POLA2: variants seen among roughly 807,000 people sequenced by gnomAD.
The protein encoded by POLA2 is DNA polymerase alpha 2, accessory subunit, also known as DNA polymerase alpha subunit B.
Under a neutral mutation model 82.8 loss-of-function variants are expected in POLA2, and 47 were observed. That is an observed-to-expected ratio of 0.57 (90% CI 0.45 to 0.72). The LOEUF (loss-of-function observed/expected upper bound fraction) is 0.72, where lower values mean the gene tolerates loss of function less well. POLA2 is among the 30% of genes least tolerant of loss of function. The pLI is 0.00. For missense variants in POLA2, 634 were observed against 728.1 expected (o/e 0.87, Z 1.49); for synonymous variants, 287 against 286.8 (o/e 1.00, Z -0.01).
In POLA2 at chr11:65,291,444, T is replaced by C. The variant is rs983476584; in HGVS notation, c.1244+1572T>C. Among the ~76,000 whole-genome samples the C allele has an allele frequency of 2.6e-5, 4 of 152,162 alleles. No homozygotes were observed. The East Asian group carries it at 7.7e-4, about 29-fold the overall frequency. On this transcript the variant is annotated intron_variant, in intron 13 of 17. Coordinates refer to ENST00000265465, the MANE Select transcript of POLA2 (RefSeq NM_002689.4). ...ACTTGGGTTGTGCCAGTGACAACCA[T>C]GTCTGGTTCTGCCCTTTCCTCCCCT... is the stretch of plus-strand genomic sequence containing the variant.
intron 1 of POLA2, among the ~76,000 whole-genome samples, chr11:65,264,119 G>A (rs1195706927): frequency 1.3e-5 from 2 of 152,118 alleles, no homozygotes; most frequent in Non-Finnish European, 2.9e-5. Flanking sequence ...CCAGGCTGGA[G>A]TGCAATGGTG....
chr11:65,264,214 C>T (rs570533497), intron 1 of POLA2, among the ~76,000 whole-genome samples: 8 of 152,194 alleles, frequency 5.3e-5, no homozygotes, highest in African/African-American at 1.9e-4. Context: ...ATTACAGGCT[C>T]CCGCCACCAC....
chr11:65,269,094 G>C (rs1052039697), intron 4 of POLA2, among the ~76,000 whole-genome samples: 6 of 152,192 alleles, frequency 3.9e-5, no homozygotes, highest in African/African-American at 7.2e-5. Flanking sequence ...CAAAGTCTGA[G>C]TCAGAAGACC....
At chr11:65,281,883 G>A (rs1451823356) in intron 9 of POLA2, 151 bp downstream of exon 9, 3 of 665,636 alleles carry the variant, frequency 4.5e-6, no homozygotes, top group Non-Finnish European at 8.2e-6. Flanking sequence ...CTAGGCCAGG[G>A]GTCAGCAAAC....
chr11:65,276,172 T>C (rs899776102), intron 5 of POLA2, among the ~76,000 whole-genome samples, 174 bp downstream of exon 5: 3 of 152,232 alleles, frequency 2.0e-5, no homozygotes, highest in Non-Finnish European at 4.4e-5. Flanking sequence ...TCCTTTTCTT[T>C]GTGGAAAATT....
rs201506909 is a variant in POLA2 at position 65,294,213 on chromosome 11, C to A, written c.1305C>A (p.Tyr435Ter). The A allele has an allele frequency of 1.2e-6, 2 of 1,614,066 alleles. No homozygotes were observed. Among genetic ancestry groups the A allele is most frequent in the South Asian group, 2.2e-5 (2 of 91,084 alleles). Residue 435 changes from tyrosine to a stop codon, truncating the protein, a stop_gained, in exon 14 of 18, where the codon TAC becomes TAA. Transcript: ENST00000265465. LOFTEE classifies it high-confidence loss of function. ...GAGATGTGCACCATGAGCCTGTGTA[C>A]CCCCAGCCGCCTTTCAGCTACTCCG... ...SLRDVHHEPV[Y>*]PQPPFSYSDL...
chr11:65,264,710 T>C (rs1234745880), intron 1 of POLA2, among the ~76,000 whole-genome samples: 1 of 152,250 alleles, frequency 6.6e-6, no homozygotes, highest in African/African-American at 2.4e-5. Flanking sequence ...GAATAAGCTT[T>C]CCGTATTCCT....
downstream of POLA2, among the ~76,000 whole-genome samples, chr11:65,301,456 G>A (rs1351838925): frequency 6.6e-6 from 1 of 152,114 alleles, no homozygotes; most frequent in Non-Finnish European, 1.5e-5. Context: ...GAGGGGCCTG[G>A]GTCTGTTGGG....
intron 4 of POLA2, among the ~76,000 whole-genome samples, chr11:65,269,090 C>T (rs1949493758): frequency 1.3e-5 from 2 of 152,194 alleles, no homozygotes. Context: ...CCTTCAAAGT[C>T]TGAGTCAGAA....
intron 5 of POLA2, 23 bp downstream of exon 5, chr11:65,276,021 G>C (rs758615808): frequency 1.4e-6 from 2 of 1,449,486 alleles, no homozygotes; most frequent in Non-Finnish European, 1.9e-6. Context: ...ATTCATTCAA[G>C]TGCCATAAAG....
chr11:65,285,574 C>CAA (rs573912827), intron 10 of POLA2, among the ~76,000 whole-genome samples: 14 of 62,974 alleles, frequency 2.2e-4, no homozygotes, highest in Admixed American at 5.5e-4. Flanking sequence ...GATCCTATCT[C>CAA]AAAAAAAAAA....
At position 65,288,766 on chromosome 11, in the gene POLA2, C is replaced by T. The variant is rs142871325; in HGVS notation, c.1132-284C>T. 4.9e-4 allele frequency among the ~76,000 whole-genome samples: 75 copies of T among 152,286 alleles called. 1 individual carries two copies. The highest frequency in any genetic ancestry group is 2.5e-3 in the Admixed American group (38 of 15,290). ...AACTCCTGGGCTCAGGCAATCTGCC[C>T]ACCTCAGCTTCCCAAAGTGCTAGGA... is the stretch of plus-strand genomic sequence containing the variant. On this transcript the variant is annotated intron_variant, in intron 11 of 17. Coordinates refer to ENST00000265465, the MANE Select transcript of POLA2 (RefSeq NM_002689.4).
chr11:65,301,057 G>C (rs1276503999), downstream of POLA2, among the ~76,000 whole-genome samples: 3 of 152,204 alleles, frequency 2.0e-5, no homozygotes, highest in Non-Finnish European at 2.9e-5. Flanking sequence ...GTGGACGCTT[G>C]TGTGCAAGCT....
intron 14 of POLA2, 74 bp from the exon 15 acceptor site, chr11:65,294,472 C>T: frequency 5.2e-6 from 7 of 1,341,688 alleles, no homozygotes; most frequent in Non-Finnish European, 7.4e-6. Flanking sequence ...AGCCCTCAGA[C>T]AACCCCCACT....
At chr11:65,269,058 G>T (rs1949493404) in intron 4 of POLA2, among the ~76,000 whole-genome samples, 1 of 152,212 alleles carries the variant, frequency 6.6e-6, no homozygotes, top group South Asian at 2.1e-4. Context: ...GAAAGGTCAA[G>T]TAGGGTAGTG....
chr11:65,297,174 G>A lies in POLA2; in HGVS notation c.1702G>A (p.Gly568Arg), dbSNP rs555607384. 33 of 1,614,094 alleles carry A rather than the reference G, an allele frequency of 2.0e-5. No homozygotes were observed. In the Admixed American group the frequency reaches 3.3e-4, roughly 16 times the overall value. ...NPGRLTKGQV[G>R]GTFARLYLRR... is the part of the protein sequence containing the mutation. ...TGGGCGCCTTACCAAAGGGCAGGTG[G>A]GAGGCACCTTCGCCCGACTCTACCT... Residue 568 changes from glycine (G) to arginine (R), a missense_variant, in exon 18 of 18, where the codon GGA (glycine) becomes AGA (arginine). Coordinates refer to ENST00000265465, the MANE Select transcript of POLA2 (RefSeq NM_002689.4).
chr11:65,279,626 G>A lies in POLA2; in HGVS notation c.744G>A (p.Gln248=), dbSNP rs1448696473. 2 of 1,603,772 alleles carry A rather than the reference G, an allele frequency of 1.2e-6. No individual in the cohort carries two copies. Among genetic ancestry groups the A allele is most frequent in the Non-Finnish European group, 1.7e-6 (2 of 1,171,770 alleles). Residue 248 remains glutamine (Q), a splice_region_variant and synonymous_variant, in exon 7 of 18, where the codon CAG becomes CAA. Coordinates refer to ENST00000265465, the MANE Select transcript of POLA2 (RefSeq NM_002689.4). ...EAFTPLLAPA[Q]EPVTLLGQIG... ...TCACTCCTTTGCTAGCCCCAGCACA[G>A]GTAAGAGTTGTTCTAATAGTTCTCA...
chr11:65,289,065 G>C lies in POLA2; in HGVS notation c.1147G>C (p.Asp383His), dbSNP rs1325174671. 5.0e-6 allele frequency: 8 copies of C among 1,607,386 alleles called. No individual in the cohort carries two copies. The highest frequency in any genetic ancestry group is 6.0e-6 in the Non-Finnish European group (7 of 1,176,098). The change falls in exon 12 of 18, where the codon GAT (aspartate) becomes CAT (histidine). Residue 383 changes from aspartate to histidine, a missense_variant. Asp to His is a moderately conservative substitution (Grantham distance 81, BLOSUM62 -1). Coordinates refer to ENST00000265465, the MANE Select transcript of POLA2 (RefSeq NM_002689.4). ...CCCCTTGCAGTTTGGCCCTTTCCTG[G>C]ATGCTAAGCATGAACAGGTGGAGGT... Reference protein sequence around the residue: ...DVCILFGPFLDAKHEQVENCL... With the variant: ...DVCILFGPFLHAKHEQVENCL...
At chr11:65,265,684 C>T (rs1949452429) in intron 1 of POLA2, among the ~76,000 whole-genome samples, 2 of 152,256 alleles carry the variant, frequency 1.3e-5, no homozygotes, top group Non-Finnish European at 2.9e-5. Flanking sequence ...CACCCTGTTG[C>T]CCAAGCTGGT....
Sources: gnomAD v4.1 joint callset for allele counts (sites outside exome capture counted in the v4.1 genomes callset) on GRCh38, gnomAD v4.1.1 for gene constraint, MANE v1.5 for transcripts, NCBI Gene and HGNC (gene_info 2026-07-23, HGNC 2026-07-21) for gene names.